The following VAV3 variants were observed in gnomAD, a reference collection of about 807,000 sequenced individuals.
VAV3 encodes the protein vav guanine nucleotide exchange factor 3.
Under a neutral mutation model 131.2 loss-of-function variants are expected in VAV3, and 94 were observed. The observed-to-expected ratio is 0.72, with a 90% confidence interval of 0.61 to 0.85. VAV3 has a LOEUF of 0.85. Among genes scored for constraint, VAV3 ranks in the 40% least tolerant of loss-of-function variants. The pLI, the probability that VAV3 is intolerant of heterozygous loss-of-function variation, is 0.00. For synonymous variants in VAV3, 349 were observed against 342.0 expected (o/e 1.02, Z -0.22); for missense variants, 939 against 1,002.7 (o/e 0.94, Z 0.86).
chr1:107,666,738 T>C (rs923815099), intron 19 of VAV3, among the ~76,000 whole-genome samples: 1 of 152,036 alleles, frequency 6.6e-6, no homozygotes, highest in Non-Finnish European at 1.5e-5. Flanking sequence ...CCCAGCTAAT[T>C]TGTATATATA....
intron 20 of VAV3, among the ~76,000 whole-genome samples, chr1:107,635,378 C>T (rs1239263928): frequency 4.7e-5 from 7 of 148,906 alleles, no homozygotes; most frequent in South Asian, 2.1e-4. Flanking sequence ...GGACAAAAAA[C>T]CAAACACCGC....
At chr1:107,641,961 T>C (rs935366123) in intron 20 of VAV3, among the ~76,000 whole-genome samples, 17 of 152,162 alleles carry the variant, frequency 1.1e-4, no homozygotes, top group Non-Finnish European at 1.8e-4. Context: ...TTTCCGCATA[T>C]CATGTAAAGT....
rs997087867 is a variant in VAV3, at chr1:107,664,177, CCCT to C, written c.1777+19308_1777+19310del. Among the ~76,000 whole-genome samples the C allele has an allele frequency of 3.3e-5, 5 of 151,954 alleles. No individual in the cohort carries two copies. The East Asian group carries it at 9.7e-4, about 29-fold the overall frequency. ...TTTTGTACAATCACTCTTTGCCCTCCCCTCCTATTTTATTTTTCTTCAACTTTT... is the reference window on the plus strand; with the variant it reads ...TTTTGTACAATCACTCTTTGCCCTCCCCTATTTTATTTTTCTTCAACTTTT... On this transcript the variant is annotated intron_variant, in intron 19 of 26. Coordinates refer to ENST00000370056, the MANE Select transcript of VAV3 (RefSeq NM_006113.5).
intron 19 of VAV3, among the ~76,000 whole-genome samples, chr1:107,653,579 T>G (rs941767580): frequency 6.6e-6 from 1 of 152,066 alleles, no homozygotes; most frequent in Non-Finnish European, 1.5e-5. Context: ...GTTTTCCTCC[T>G]TAACCTTTTT....
intron 20 of VAV3, among the ~76,000 whole-genome samples, chr1:107,633,769 T>A (rs187645349): frequency 6.6e-6 from 1 of 152,238 alleles, no homozygotes; most frequent in East Asian, 1.9e-4. Context: ...GAAGTCTAAG[T>A]ACCCTGCGAT....
At chr1:107,598,062 CA>C (rs970604534) in intron 24 of VAV3, among the ~76,000 whole-genome samples, 1 of 152,070 alleles carries the variant, frequency 6.6e-6, no homozygotes, top group Non-Finnish European at 1.5e-5. Context: ...AATGTAAATA[CA>C]AAAACAAGAG....
intron 15 of VAV3, among the ~76,000 whole-genome samples, chr1:107,746,608 C>T (rs1439448799): frequency 6.6e-6 from 1 of 152,150 alleles, no homozygotes; most frequent in African/African-American, 2.4e-5. Flanking sequence ...AGTAAAAGAA[C>T]CTTAATTCTT....
intron 2 of VAV3, among the ~76,000 whole-genome samples, chr1:107,859,297 C>A (rs1416159486): frequency 1.3e-5 from 2 of 152,076 alleles, no homozygotes; most frequent in Non-Finnish European, 2.9e-5. Flanking sequence ...TCTTGAACTC[C>A]TGGGGCTCCA....
chr1:107,582,319 C>A (rs1650114907), intron 25 of VAV3, among the ~76,000 whole-genome samples: 1 of 152,160 alleles, frequency 6.6e-6, no homozygotes, highest in Admixed American at 6.5e-5. Flanking sequence ...AGATGCCCTG[C>A]AAAATTCATA....
intron 20 of VAV3, among the ~76,000 whole-genome samples, chr1:107,624,476 A>G (rs1653859516): frequency 6.6e-6 from 1 of 151,946 alleles, no homozygotes; most frequent in African/African-American, 2.4e-5. Flanking sequence ...AAACCAGTCT[A>G]CATGTAGGTA....
At chr1:107,757,217 C>A (rs762852393) in intron 11 of VAV3, 44 bp downstream of exon 11, 2 of 1,504,118 alleles carry the variant, frequency 1.3e-6, no homozygotes, top group Non-Finnish European at 1.8e-6. Context: ...TGTCTTTAGG[C>A]AAGAATAAAA....
At chr1:107,700,801 T>A (rs1660074190) in intron 17 of VAV3, among the ~76,000 whole-genome samples, 1 of 152,196 alleles carries the variant, frequency 6.6e-6, no homozygotes, top group Non-Finnish European at 1.5e-5. Flanking sequence ...TTTCTATTCC[T>A]CTGGGTATAT....
At chr1:107,931,882 T>G (rs548389410) in intron 1 of VAV3, among the ~76,000 whole-genome samples, 1 of 152,350 alleles carries the variant, frequency 6.6e-6, no homozygotes, top group East Asian at 1.9e-4. Flanking sequence ...TATTTCAAAT[T>G]TGTGCTTTGA....
At chr1:107,793,112 A>AG (rs1666373973) in intron 2 of VAV3, among the ~76,000 whole-genome samples, 19 of 152,210 alleles carry the variant, frequency 1.2e-4, no homozygotes, top group Admixed American at 1.2e-3. Flanking sequence ...TTCTGCAGAC[A>AG]CTATAAAATG....
chr1:107,783,051 C>A (rs1570947323), intron 2 of VAV3, among the ~76,000 whole-genome samples: 1 of 152,208 alleles, frequency 6.6e-6, no homozygotes, highest in East Asian at 1.9e-4. Flanking sequence ...CTTTCTTTCC[C>A]TTTGTCTATC....
At chr1:107,646,740 C>G (rs1655765238) in intron 19 of VAV3, among the ~76,000 whole-genome samples, 2 of 151,950 alleles carry the variant, frequency 1.3e-5, no homozygotes, top group Admixed American at 6.6e-5. Flanking sequence ...CAAACTTATG[C>G]AGGAGGAATT....
intron 1 of VAV3, among the ~76,000 whole-genome samples, chr1:107,887,420 T>A (rs1271818559): frequency 1.3e-5 from 2 of 152,224 alleles, no homozygotes; most frequent in African/African-American, 4.8e-5. Context: ...GTATCAAATA[T>A]CACAAGAATT....
intron 1 of VAV3, among the ~76,000 whole-genome samples, chr1:107,941,096 T>C (rs541947535): frequency 4.6e-5 from 7 of 152,212 alleles, no homozygotes; most frequent in African/African-American, 1.7e-4. Flanking sequence ...AAGTGTCTTC[T>C]CCCTCAAAGC....
At chr1:107,868,399 A>C (rs1181496458) in intron 2 of VAV3, among the ~76,000 whole-genome samples, 2 of 152,164 alleles carry the variant, frequency 1.3e-5, no homozygotes, top group East Asian at 3.9e-4. Context: ...CCCTGGGGCC[A>C]CCTATAGCCA....
Sources: allele counts gnomAD v4.1 joint callset (sites outside exome capture counted in the v4.1 genomes callset), GRCh38; gene constraint gnomAD v4.1.1; transcripts MANE v1.5; gene names NCBI Gene and HGNC (gene_info 2026-07-23, HGNC 2026-07-21).